Variants in MB21D2 observed in about 807,000 individuals in gnomAD.
MB21D2 encodes the protein Mab-21 domain containing 2.
MB21D2 carries 9 observed loss-of-function variants against 33.3 expected under a neutral mutation model. The observed-to-expected ratio is 0.27, with a 90% CI of 0.16 to 0.47. The LOEUF is 0.47. Ranked by LOEUF, MB21D2 falls within the 20% of genes least tolerant of loss-of-function variation. The pLI, the probability that MB21D2 is intolerant of heterozygous loss-of-function variation, is 0.99. For missense variants in MB21D2, 540 were observed against 624.6 expected, an observed-to-expected ratio of 0.86 and a Z score of 1.44; for synonymous variants, 241 against 236.3, an observed-to-expected ratio of 1.02 and a Z score of -0.18.
intron 1 of MB21D2, among the ~76,000 whole-genome samples, chr3:192,876,267 C>G (rs1713424943): frequency 6.6e-6 from 1 of 152,174 alleles, no homozygotes; most frequent in Non-Finnish European, 1.5e-5. Flanking sequence ...AATGACTCCA[C>G]CACCCGTTCT....
At chr3:192,816,213 T>C (rs75433148) in intron 1 of MB21D2, among the ~76,000 whole-genome samples, 1 of 102,792 alleles carries the variant, frequency 9.7e-6, no homozygotes, top group Non-Finnish European at 1.9e-5. Context: ...GAGAGGACAA[T>C]TTTTTTTTTT....
intron 1 of MB21D2, among the ~76,000 whole-genome samples, chr3:192,814,190 TA>T (rs1309573582): frequency 6.6e-6 from 1 of 152,124 alleles, no homozygotes; most frequent in Non-Finnish European, 1.5e-5. Context: ...TTCCATCGTA[TA>T]AAGTTGGAAT....
intron 1 of MB21D2, among the ~76,000 whole-genome samples, chr3:192,861,761 C>T (rs1355362942): frequency 1.3e-5 from 2 of 152,148 alleles, no homozygotes; most frequent in African/African-American, 2.4e-5. Context: ...GCCAAGATCA[C>T]GCCATTGCAC....
At chr3:192,818,272 T>C (rs957604983) in intron 1 of MB21D2, among the ~76,000 whole-genome samples, 1 of 152,180 alleles carries the variant, frequency 6.6e-6, no homozygotes, top group Non-Finnish European at 1.5e-5. Context: ...TTTAGGCCAC[T>C]GATATCTAGA....
chr3:192,893,153 G>A (rs1433237221), intron 1 of MB21D2, among the ~76,000 whole-genome samples: 19 of 152,092 alleles, frequency 1.2e-4, no homozygotes, highest in East Asian at 1.2e-3. Context: ...ACCTCCCAAC[G>A]CAGGTCAAAG....
intron 1 of MB21D2, among the ~76,000 whole-genome samples, chr3:192,871,817 G>A (rs1407469060): frequency 6.6e-6 from 1 of 152,086 alleles, no homozygotes; most frequent in East Asian, 1.9e-4. Flanking sequence ...GGAGTGACAT[G>A]ATGGGGACAA....
At chr3:192,856,548 T>C (rs34854142) in intron 1 of MB21D2, among the ~76,000 whole-genome samples, 1 of 152,144 alleles carries the variant, frequency 6.6e-6, no homozygotes, top group Non-Finnish European at 1.5e-5. Flanking sequence ...CAGGGTTTTG[T>C]TTTTGTTTTT....
intron 1 of MB21D2, among the ~76,000 whole-genome samples, chr3:192,908,976 C>T (rs1485280115): frequency 6.6e-6 from 1 of 151,956 alleles, no homozygotes; most frequent in Admixed American, 6.5e-5. Flanking sequence ...CAAAATGCGG[C>T]CGGGCACGGT....
At chr3:192,877,667 A>T (rs1417932408) in intron 1 of MB21D2, among the ~76,000 whole-genome samples, 2 of 152,238 alleles carry the variant, frequency 1.3e-5, no homozygotes, top group Non-Finnish European at 2.9e-5. Context: ...ACTGTACAAC[A>T]TGTATCTGTA....
At chr3:192,844,334 T>G (rs577400470) in intron 1 of MB21D2, among the ~76,000 whole-genome samples, 84 of 152,338 alleles carry the variant, frequency 5.5e-4, no homozygotes, top group Non-Finnish European at 1.1e-3. Context: ...TTGGTGCTCA[T>G]GTGAATTAAA....
At chr3:192,806,370 T>A (rs1219522119) in intron 1 of MB21D2, among the ~76,000 whole-genome samples, 2 of 152,196 alleles carry the variant, frequency 1.3e-5, no homozygotes, top group Non-Finnish European at 2.9e-5. Flanking sequence ...CACAACAAGT[T>A]GGTCCTCTGT....
chr3:192,812,026 TGTGTGC>T (rs1390457268), intron 1 of MB21D2, among the ~76,000 whole-genome samples: 1 of 152,068 alleles, frequency 6.6e-6, no homozygotes, highest in African/African-American at 2.4e-5. Flanking sequence ...TTCTTTTGTG[TGTGTGC>T]GTGTTTTGTT....
intron 1 of MB21D2, among the ~76,000 whole-genome samples, chr3:192,838,817 G>T (rs1712507837): frequency 6.6e-6 from 1 of 152,182 alleles, no homozygotes; most frequent in African/African-American, 2.4e-5. Flanking sequence ...ATACATACAT[G>T]ATTTTGACTC....
intron 1 of MB21D2, among the ~76,000 whole-genome samples, chr3:192,873,070 T>G (rs1378469311): frequency 6.6e-6 from 1 of 152,060 alleles, no homozygotes; most frequent in East Asian, 1.9e-4. Context: ...ACCCTTGTCC[T>G]CTACACCAAT....
In MB21D2 at chr3:192,917,674, G is replaced by A; in HGVS notation, c.167C>T (p.Ala56Val). ...HDQREYDDQRALEIHTAKDFI... is the reference protein window; with the variant it reads ...HDQREYDDQRVLEIHTAKDFI... ...ATCCTTGGCTGTGTGAATCTCCAGCGCTCTCTGGTCGTCGTATTCCCGCTG... is the reference window on the plus strand; with the variant it reads ...ATCCTTGGCTGTGTGAATCTCCAGCACTCTCTGGTCGTCGTATTCCCGCTG... Residue 56 changes from alanine to valine, a missense_variant, in exon 1 of 2, where the codon GCG (alanine) becomes GTG (valine). Ala to Val is a moderately conservative substitution (Grantham distance 64, BLOSUM62 0). Coordinates refer to ENST00000392452, the MANE Select transcript of MB21D2 (RefSeq NM_178496.4). The A allele has an allele frequency of 1.9e-6, 3 of 1,614,128 alleles. No individual in the cohort carries two copies. Among genetic ancestry groups the A allele is most frequent in the Non-Finnish European group, 2.5e-6 (3 of 1,180,020 alleles).
intron 1 of MB21D2, among the ~76,000 whole-genome samples, chr3:192,901,306 A>G (rs571335817): frequency 2.7e-5 from 4 of 150,342 alleles, no homozygotes; most frequent in African/African-American, 9.8e-5. Context: ...GCGGTGGCTC[A>G]TGCCTTCAAT....
At chr3:192,831,381 A>G (rs1360507793) in intron 1 of MB21D2, among the ~76,000 whole-genome samples, 1 of 152,206 alleles carries the variant, frequency 6.6e-6, no homozygotes, top group Non-Finnish European at 1.5e-5. Context: ...CCACTCCTAG[A>G]TGCCTGACTC....
In MB21D2 at chr3:192,799,665, G is replaced by T; in HGVS notation, c.212-15C>A. On this transcript the variant is annotated splice_polypyrimidine_tract_variant and intron_variant, in intron 1 of 1. Transcript: ENST00000392452. The surrounding 1 kb of genome is among the most constrained non-coding windows in gnomAD (Gnocchi z 4.1). ...TTGCACCATTCCTGGAAATAAAGAA[G>T]AAAAAAACAACACTATTACAGGAAA... is the stretch of plus-strand genomic sequence containing the variant. 1.3e-6 allele frequency: 2 copies of T among 1,595,628 alleles called. No homozygotes were observed. The highest frequency in any genetic ancestry group is 2.2e-5 in the East Asian group (1 of 44,668).
At chr3:192,892,636 T>C (rs561368884) in intron 1 of MB21D2, among the ~76,000 whole-genome samples, 18 of 152,160 alleles carry the variant, frequency 1.2e-4, no homozygotes, top group African/African-American at 3.9e-4. Context: ...AGAGACGGGG[T>C]TTCACCATGT....
Sources: gnomAD v4.1 joint callset for allele counts (sites outside exome capture counted in the v4.1 genomes callset) on GRCh38, gnomAD v4.1.1 for gene constraint, Gnocchi (gnomAD v3.1) non-coding constraint, MANE v1.5 for transcripts, NCBI Gene and HGNC (gene_info 2026-07-23, HGNC 2026-07-21) for gene names.